The following SUGCT variants were observed in gnomAD, a reference collection of about 807,000 sequenced individuals.
SUGCT encodes the protein succinyl-CoA:glutarate-CoA transferase, also known as succinyl-CoA:glutarate CoA-transferase.
Under a neutral mutation model 55.0 loss-of-function variants are expected in SUGCT, and 41 were observed. The ratio of observed to expected loss-of-function variants is 0.74; its 90% confidence interval spans 0.58 to 0.97. The LOEUF is 0.97. Ranked by LOEUF, SUGCT falls within the 50% of genes least tolerant of loss-of-function variation. The pLI is 0.00. For missense variants in SUGCT, 568 were observed against 547.8 expected, an observed-to-expected ratio of 1.04 and a Z score of -0.37; for synonymous variants, 187 against 200.4, an observed-to-expected ratio of 0.93 and a Z score of 0.56.
At chr7:40,255,660 C>CAAAA (rs70996898) in intron 7 of SUGCT, among the ~76,000 whole-genome samples, 75 of 54,198 alleles carry the variant, frequency 1.4e-3, no homozygotes, top group African/African-American at 1.9e-3. Flanking sequence ...GACTCTGTAT[C>CAAAA]AAAAAAAAAA....
At chr7:40,968,854 A>C in the SUGCT span, among the ~76,000 whole-genome samples, 1 of 152,092 alleles carries the variant, frequency 6.6e-6, no homozygotes, top group Non-Finnish European at 1.5e-5. Flanking sequence ...TCCACATGGC[A>C]CCCAGACCCC....
At chr7:40,609,550 CAAAA>C (rs934513690) in intron 12 of SUGCT, among the ~76,000 whole-genome samples, 1 of 70,832 alleles carries the variant, frequency 1.4e-5, no homozygotes, top group Non-Finnish European at 2.9e-5. Flanking sequence ...GACTCCATCT[CAAAA>C]AAAAAAAAAA....
At chr7:40,876,670 T>C in the SUGCT span, among the ~76,000 whole-genome samples, 1 of 152,188 alleles carries the variant, frequency 6.6e-6, no homozygotes, top group Admixed American at 6.5e-5. Flanking sequence ...CCACCATAAA[T>C]CAGAGGCTCT....
chr7:40,931,058 T>G, the SUGCT span, among the ~76,000 whole-genome samples: 2 of 152,184 alleles, frequency 1.3e-5, no homozygotes, highest in African/African-American at 4.8e-5. Context: ...GGCTGTGGGT[T>G]TGTCATAAAT....
intron 12 of SUGCT, among the ~76,000 whole-genome samples, chr7:40,628,473 TG>T (rs1393615520): frequency 6.6e-6 from 1 of 152,210 alleles, no homozygotes; most frequent in African/African-American, 2.4e-5. Context: ...TGGGGGTTCC[TG>T]TCAGGTGGGA....
At chr7:40,446,137 T>C (rs892058904) in intron 9 of SUGCT, among the ~76,000 whole-genome samples, 1 of 152,082 alleles carries the variant, frequency 6.6e-6, no homozygotes, top group Admixed American at 6.6e-5. Flanking sequence ...TTTTAAACTT[T>C]TATATTGATA....
rs143691272 is a variant in SUGCT, at chr7:40,815,896, C to T, written c.1154-44420C>T. ...CAGTCTATGCCCAGGAAGGGTGGTG[C>T]GGCTCAGGCTGCGAAACCACACAAG... is the stretch of plus-strand genomic sequence containing the variant. On this transcript the variant is annotated intron_variant, in intron 13 of 13. Coordinates refer to ENST00000335693, the MANE Select transcript of SUGCT (RefSeq NM_001193313.2). Among the ~76,000 whole-genome samples, 70 of 151,998 alleles carry T rather than the reference C, an allele frequency of 4.6e-4. No homozygotes were observed. In the East Asian group the frequency reaches 0.011, roughly 23 times the overall value.
At chr7:40,690,338 T>C (rs1784639056) in intron 12 of SUGCT, among the ~76,000 whole-genome samples, 1 of 152,184 alleles carries the variant, frequency 6.6e-6, no homozygotes, top group South Asian at 2.1e-4. Context: ...TTTTAGAACC[T>C]TAAGTAGACC....
chr7:40,801,618 T>C (rs1004364561), intron 13 of SUGCT, among the ~76,000 whole-genome samples: 2 of 152,126 alleles, frequency 1.3e-5, no homozygotes, highest in African/African-American at 4.8e-5. Context: ...CTGAGTTTTT[T>C]CACAGGAGGA....
intron 12 of SUGCT, among the ~76,000 whole-genome samples, chr7:40,641,972 A>G (rs1309490947): frequency 1.3e-5 from 2 of 152,184 alleles, no homozygotes; most frequent in East Asian, 3.9e-4. Context: ...GATGTAACCC[A>G]ATTTCCAGTC....
chr7:40,665,423 C>G (rs141591904), intron 12 of SUGCT, among the ~76,000 whole-genome samples: 2 of 143,846 alleles, frequency 1.4e-5, no homozygotes, highest in East Asian at 4.0e-4. Context: ...AAGTGAAACT[C>G]TATCTCAAAA....
At chr7:40,865,683 C>G (rs781092890), downstream of SUGCT, among the ~76,000 whole-genome samples, 1 of 152,176 alleles carries the variant, frequency 6.6e-6, no homozygotes, top group Non-Finnish European at 1.5e-5. Flanking sequence ...GAGAGCATGA[C>G]AGTGTGATCG....
rs113891904 is a variant in SUGCT, at chr7:40,666,359, G to A, written c.1090-83075G>A. ...CAAGACTCTGTCTCAAGAAAGAAAG[G>A]AAGGAAGGAAGGAAGGAAGGAAGGA... On this transcript the variant is annotated intron_variant, in intron 12 of 13. Transcript: ENST00000335693. Among the ~76,000 whole-genome samples the A allele has an allele frequency of 2.3e-3, 229 of 97,682 alleles. 1 individual carries two copies. The highest frequency in any genetic ancestry group is 7.4e-3 in the African/African-American group (190 of 25,752). The allele number at this position is 97,682 out of a possible 152,430, so 64.1% of individuals were successfully genotyped here. A position where few individuals can be genotyped will look rare whatever the true frequency, so the allele number is the denominator to read the frequency against.
chr7:40,893,718 C>G, the SUGCT span, among the ~76,000 whole-genome samples: 1 of 152,020 alleles, frequency 6.6e-6, no homozygotes, highest in Non-Finnish European at 1.5e-5. Flanking sequence ...CAAGGCAATC[C>G]TAGGCAAAAA....
At chr7:40,837,957 G>T (rs1408768262) in intron 13 of SUGCT, among the ~76,000 whole-genome samples, 3 of 152,246 alleles carry the variant, frequency 2.0e-5, no homozygotes, top group African/African-American at 4.8e-5. Context: ...TTAGGATGAG[G>T]TCTGTTGCCT....
chr7:40,173,866 T>C (rs903487692), intron 1 of SUGCT, among the ~76,000 whole-genome samples: 5 of 149,218 alleles, frequency 3.4e-5, no homozygotes, highest in Admixed American at 6.7e-5. Context: ...TATAATGTAT[T>C]ATATATAGTT....
intron 13 of SUGCT, among the ~76,000 whole-genome samples, chr7:40,858,296 G>C (rs925407420): frequency 6.6e-6 from 1 of 151,730 alleles, no homozygotes; most frequent in Non-Finnish European, 1.5e-5. Context: ...CCAGCTACTG[G>C]GGAGGCTGAG....
intron 12 of SUGCT, among the ~76,000 whole-genome samples, chr7:40,657,094 G>A (rs1308201943): frequency 6.6e-6 from 1 of 152,158 alleles, no homozygotes; most frequent in Admixed American, 6.5e-5. Flanking sequence ...ATAACTGGAG[G>A]TGTGTTTATA....
the SUGCT span, among the ~76,000 whole-genome samples, chr7:40,912,718 GAC>G: frequency 6.9e-6 from 1 of 143,936 alleles, no homozygotes; most frequent in African/African-American, 2.6e-5. Flanking sequence ...ATTACTACAT[GAC>G]ACAGTAGTCT....
Sources: gnomAD v4.1 joint callset for allele counts (sites outside exome capture counted in the v4.1 genomes callset) on GRCh38, gnomAD v4.1.1 for gene constraint, MANE v1.5 for transcripts, NCBI Gene and HGNC (gene_info 2026-07-23, HGNC 2026-07-21) for gene names.